RIMS2: variants seen among roughly 807,000 people sequenced by gnomAD.
RIMS2 encodes regulating synaptic membrane exocytosis protein 2.
Under a neutral mutation model 174.4 loss-of-function variants are expected in RIMS2, and 59 were observed. That is an observed-to-expected ratio of 0.34 (90% confidence interval 0.27 to 0.42). The LOEUF (loss-of-function observed/expected upper bound fraction) is 0.42. RIMS2 is among the 10% of genes least tolerant of loss of function. The pLI, the probability that RIMS2 is intolerant of heterozygous loss-of-function variation, is 1.00. For missense variants in RIMS2, 1,620 were observed against 1,666.3 expected (o/e 0.97, Z 0.48); for synonymous variants, 606 against 572.5 (o/e 1.06, Z -0.84).
intron 3 of RIMS2, among the ~76,000 whole-genome samples, chr8:103,795,140 G>C (rs2098539198): frequency 6.6e-6 from 1 of 152,158 alleles, no homozygotes; most frequent in Non-Finnish European, 1.5e-5. Context: ...GCACATGTGT[G>C]TTTATTGTGG....
At chr8:103,860,457 A>G (rs146906965) in intron 3 of RIMS2, among the ~76,000 whole-genome samples, 147 of 152,324 alleles carry the variant, frequency 9.7e-4, no homozygotes, top group Admixed American at 2.0e-3. Context: ...CATATTCAGT[A>G]CATACTAACA....
chr8:104,100,239 C>T (rs1377753346), intron 19 of RIMS2, among the ~76,000 whole-genome samples: 1 of 151,986 alleles, frequency 6.6e-6, no homozygotes, highest in Non-Finnish European at 1.5e-5. Flanking sequence ...TGTTTCATTA[C>T]TTTCATTTTT....
At chr8:103,697,831 C>A (rs1264093323) in intron 2 of RIMS2, among the ~76,000 whole-genome samples, 2 of 152,120 alleles carry the variant, frequency 1.3e-5, no homozygotes, top group African/African-American at 4.8e-5. Context: ...TCGAGACCAG[C>A]CTGGCCAATA....
intron 19 of RIMS2, among the ~76,000 whole-genome samples, chr8:104,120,355 T>TAAATAGATTG (rs1190863694): frequency 4.6e-5 from 7 of 152,232 alleles, no homozygotes; most frequent in Non-Finnish European, 1.0e-4. Flanking sequence ...GAACAATCTA[T>TAAATAGATTG]TTAATTCCTA....
intron 17 of RIMS2, among the ~76,000 whole-genome samples, chr8:104,003,727 A>G (rs1219632607): frequency 3.9e-5 from 6 of 152,102 alleles, no homozygotes; most frequent in Non-Finnish European, 7.4e-5. Context: ...AGAATCTTAT[A>G]TACTCTTCAT....
At chr8:104,146,918 C>T (rs753739917) in intron 19 of RIMS2, among the ~76,000 whole-genome samples, 3 of 152,004 alleles carry the variant, frequency 2.0e-5, no homozygotes, top group South Asian at 2.1e-4. Flanking sequence ...TGGTATCAAA[C>T]TCCTGGGCTT....
rs1394149826 is a variant in RIMS2 at position 104,067,820 on chromosome 8, G to GT, written c.3334+53207dup. The stretch of plus-strand genomic sequence containing the variant: ...AACTGATGTCTTTTAGGTAGCACCT[G>GT]TTGTAGAGGGCATTAATGTCTTTTT... On this transcript the variant is annotated intron_variant, in intron 19 of 23. Coordinates refer to ENST00000504942, the Ensembl canonical transcript of RIMS2. 7.2e-5 allele frequency among the ~76,000 whole-genome samples: 11 copies of GT among 152,280 alleles called. No individual in the cohort carries two copies. In the East Asian group the frequency reaches 1.9e-3, roughly 27 times the overall value.
chr8:103,586,595 A>C (rs1373750802), intron 1 of RIMS2, among the ~76,000 whole-genome samples: 1 of 152,184 alleles, frequency 6.6e-6, no homozygotes, highest in Non-Finnish European at 1.5e-5. Flanking sequence ...ATGCAGCAAC[A>C]GCAGTGCTAA....
chr8:104,141,114 T>C (rs988187796), intron 19 of RIMS2, among the ~76,000 whole-genome samples: 2 of 137,338 alleles, frequency 1.5e-5, no homozygotes, highest in South Asian at 2.5e-4. Context: ...CAGGGACATA[T>C]AACTAGCATA....
At chr8:104,247,630 A>G (rs60418765) in intron 20 of RIMS2, among the ~76,000 whole-genome samples, 1 of 152,120 alleles carries the variant, frequency 6.6e-6, no homozygotes, top group Non-Finnish European at 1.5e-5. Flanking sequence ...ATGAAGAATG[A>G]GATTACCATT....
At chr8:104,087,446 A>G (rs1167877523) in intron 19 of RIMS2, among the ~76,000 whole-genome samples, 1 of 152,090 alleles carries the variant, frequency 6.6e-6, no homozygotes, top group Non-Finnish European at 1.5e-5. Context: ...AAACTGTAAT[A>G]AAGGCATGAG....
chr8:104,060,108 T>C (rs1317246630), intron 19 of RIMS2, among the ~76,000 whole-genome samples: 2 of 151,898 alleles, frequency 1.3e-5, no homozygotes, highest in Non-Finnish European at 2.9e-5. Flanking sequence ...GAGGATTCCC[T>C]CTTTTTCTAT....
intron 19 of RIMS2, among the ~76,000 whole-genome samples, chr8:104,059,753 T>G (rs1384032745): frequency 6.6e-6 from 1 of 151,864 alleles, no homozygotes; most frequent in Non-Finnish European, 1.5e-5. Context: ...CATCAATACC[T>G]AATTTATTGA....
At chr8:104,081,226 C>T (rs1181520691) in intron 19 of RIMS2, among the ~76,000 whole-genome samples, 5 of 151,952 alleles carry the variant, frequency 3.3e-5, no homozygotes, top group Admixed American at 1.3e-4. Context: ...CACATAAGAA[C>T]ATGTTACTTC....
intron 3 of RIMS2, among the ~76,000 whole-genome samples, chr8:103,771,813 C>A (rs1198608552): frequency 6.6e-6 from 1 of 152,090 alleles, no homozygotes; most frequent in Admixed American, 6.5e-5. Flanking sequence ...GCAGGATTAT[C>A]TCCATTCATA....
At position 104,016,518 on chromosome 8, in the gene RIMS2, G is replaced by C. The variant is rs1158002078; in HGVS notation, c.3334+1903G>C. Among the ~76,000 whole-genome samples the C allele has an allele frequency of 7.9e-5, 12 of 151,844 alleles. 1 individual carries two copies. Among genetic ancestry groups the C allele is most frequent in the Admixed American group, 6.6e-4 (10 of 15,260 alleles). On this transcript the variant is annotated intron_variant, in intron 19 of 23. Coordinates refer to ENST00000504942, the Ensembl canonical transcript of RIMS2. ...ACAATCCAGTGATATTGTGACTGAT[G>C]GTCTGTTATGCTGCCTGAGAAAAAG...
At chr8:103,570,854 G>A (rs1030155856) in intron 1 of RIMS2, among the ~76,000 whole-genome samples, 1 of 152,050 alleles carries the variant, frequency 6.6e-6, no homozygotes, top group Non-Finnish European at 1.5e-5. Flanking sequence ...TCCAGATAAA[G>A]TTTGCAATTA....
At chr8:104,037,947 A>G (rs1305468369) in intron 19 of RIMS2, among the ~76,000 whole-genome samples, 1 of 152,062 alleles carries the variant, frequency 6.6e-6, no homozygotes, top group Non-Finnish European at 1.5e-5. Flanking sequence ...ACAAAATACA[A>G]TTGTGTCACA....
chr8:104,024,638 T>C (rs1597324512), intron 19 of RIMS2, among the ~76,000 whole-genome samples: 1 of 152,246 alleles, frequency 6.6e-6, no homozygotes, highest in Non-Finnish European at 1.5e-5. Context: ...TAGGTAGCCA[T>C]TGAGGATGCA....
Sources: gnomAD v4.1 joint callset for allele counts (sites outside exome capture counted in the v4.1 genomes callset) on GRCh38, gnomAD v4.1.1 for gene constraint, MANE v1.5 for transcripts, NCBI Gene and HGNC (gene_info 2026-07-23, HGNC 2026-07-21) for gene names.